Variants in UNC45B observed in about 807,000 individuals in gnomAD.
The protein encoded by UNC45B is protein unc-45 homolog B.
In UNC45B, 78 loss-of-function variants were observed where a neutral mutation model predicts 98.7. The ratio of observed to expected loss-of-function variants is 0.79; its 90% CI spans 0.66 to 0.95. The LOEUF is 0.95. Among genes scored for constraint, UNC45B ranks in the 40% least tolerant of loss-of-function variants. The pLI is 0.00. For synonymous variants in UNC45B, 462 were observed against 480.4 expected (o/e 0.96, Z 0.50); for missense variants, 1,225 against 1,184.9 (o/e 1.03, Z -0.50).
At chr17:35,176,960 T>G in intron 15 of UNC45B, 57 bp from the exon 16 acceptor site, 1 of 1,398,816 alleles carries the variant, frequency 7.1e-7, no homozygotes, top group Non-Finnish European at 1.0e-6. Context: ...AGCAGGAGGA[T>G]AGGCGAGAAG....
chr17:35,180,852 G>T (rs1214741287), intron 18 of UNC45B, among the ~76,000 whole-genome samples, 176 bp downstream of exon 18: 1 of 152,112 alleles, frequency 6.6e-6, no homozygotes, highest in East Asian at 1.9e-4. Flanking sequence ...CCCTGTAGGG[G>T]CCCTGAGAGA....
intron 2 of UNC45B, among the ~76,000 whole-genome samples, 166 bp from the exon 3 acceptor site, chr17:35,148,807 G>A (rs746848454): frequency 1.8e-4 from 27 of 152,148 alleles, no homozygotes; most frequent in Non-Finnish European, 7.3e-5. Context: ...TTTGCCTGAT[G>A]TCAAAGCCTG....
intron 11 of UNC45B, 70 bp from the exon 12 acceptor site, chr17:35,170,044 C>G: frequency 6.2e-7 from 1 of 1,601,812 alleles, no homozygotes; most frequent in South Asian, 1.1e-5. Context: ...GGTTCACCAC[C>G]CTGAAATCGC....
intron 19 of UNC45B, among the ~76,000 whole-genome samples, chr17:35,185,073 C>T (rs778083017): frequency 1.1e-4 from 16 of 152,138 alleles, no homozygotes; most frequent in Non-Finnish European, 1.6e-4. Context: ...AGCATAGAAC[C>T]GTGCCACAGC....
At chr17:35,169,538 G>A (rs566814680) in intron 10 of UNC45B, among the ~76,000 whole-genome samples, 7 of 152,250 alleles carry the variant, frequency 4.6e-5, no homozygotes, top group Middle Eastern at 3.4e-3. Context: ...GGTTAACTTG[G>A]TCTTGCTGGT....
At chr17:35,151,248 G>A (rs556373595) in intron 4 of UNC45B, 2 of 242,578 alleles carry the variant, frequency 8.2e-6, no homozygotes, top group South Asian at 8.0e-5. Context: ...CGTCTGATCT[G>A]AGGTCGCGGG....
At chr17:35,166,181 T>G (rs1301512636) in intron 9 of UNC45B, among the ~76,000 whole-genome samples, 1 of 148,446 alleles carries the variant, frequency 6.7e-6, no homozygotes, top group Non-Finnish European at 1.5e-5. Context: ...GGTAGGAGGA[T>G]CACTTGAGCC....
intron 9 of UNC45B, chr17:35,164,432 C>T (rs1203182248): frequency 2.2e-5 from 7 of 318,036 alleles, no homozygotes; most frequent in Middle Eastern, 8.9e-4. Flanking sequence ...ACAGCTGGCA[C>T]ACTGGTGCTG....
At chr17:35,180,200 A>G (rs4796047) in intron 17 of UNC45B, among the ~76,000 whole-genome samples, 70,521 of 150,970 alleles carry the variant, frequency 0.47, 16,472 homozygotes, top group East Asian at 0.56. Context: ...CTGCTCTCTC[A>G]TGGTTATAAG....
rs772385299 is a variant in UNC45B, at chr17:35,159,442, T to A, written c.876T>A (p.Ser292=). 1.7e-5 allele frequency: 28 copies of A among 1,614,046 alleles called. No individual in the cohort carries two copies. Among genetic ancestry groups the A allele is most frequent in the Non-Finnish European group, 2.3e-5 (27 of 1,180,016 alleles). ...ACATGCTAGTCAGCAAGAAGGTGTC[T>A]GGCCAGGGCAGGGATCAGGCGCTGA... The part of the protein sequence containing the change: ...LLDMLVSKKV[S]GQGRDQALNL... Residue 292 remains serine, a synonymous_variant, in exon 8 of 20, where the codon TCT becomes TCA. Transcript: ENST00000394570.
chr17:35,181,567 C>T (rs1162999898), intron 18 of UNC45B, among the ~76,000 whole-genome samples: 1 of 152,096 alleles, frequency 6.6e-6, no homozygotes, highest in Non-Finnish European at 1.5e-5. Context: ...GAGGTGGATG[C>T]GTCACTTGAA....
chr17:35,166,086 T>TAAAAAAAAAACAAAAAAAAAAAAAAA (rs2092137552), intron 9 of UNC45B, among the ~76,000 whole-genome samples: 1 of 58,116 alleles, frequency 1.7e-5, no homozygotes, highest in Non-Finnish European at 3.0e-5. Context: ...CCCTCATCTC[T>TAAAAAAAAAACAAAAAAAAAAAAAAA]AAAAAAAAAA....
At chr17:35,173,150 T>C (rs993140306) in intron 13 of UNC45B, among the ~76,000 whole-genome samples, 1 of 134,744 alleles carries the variant, frequency 7.4e-6, no homozygotes, top group Non-Finnish European at 1.6e-5. Context: ...TTTTTGAGAC[T>C]GAGTCTCCCT....
intron 15 of UNC45B, 86 bp downstream of exon 15, chr17:35,176,120 G>A (rs924599177): frequency 6.6e-6 from 9 of 1,361,396 alleles, no homozygotes; most frequent in East Asian, 2.3e-5. Flanking sequence ...GCCCCAACTC[G>A]ACCTCCTGGA....
intron 19 of UNC45B, among the ~76,000 whole-genome samples, chr17:35,184,775 T>G (rs1313006013): frequency 1.3e-5 from 2 of 152,184 alleles, no homozygotes; most frequent in African/African-American, 4.8e-5. Context: ...TCGGTCTTCC[T>G]TGCGGGGCTC....
intron 9 of UNC45B, among the ~76,000 whole-genome samples, chr17:35,165,349 A>T (rs2092131347): frequency 2.0e-5 from 3 of 152,042 alleles, no homozygotes; most frequent in Admixed American, 2.0e-4. Context: ...CATCAGTGTG[A>T]CTCCAGTGCA....
intron 17 of UNC45B, among the ~76,000 whole-genome samples, chr17:35,178,824 G>C (rs1567768370): frequency 6.6e-6 from 1 of 152,120 alleles, no homozygotes; most frequent in Non-Finnish European, 1.5e-5. Context: ...GTTTTTGTCA[G>C]GTTTGTCAAA....
chr17:35,163,950 T>C (rs2092120001), intron 8 of UNC45B, 45 bp from the exon 9 acceptor site: 1 of 1,550,670 alleles, frequency 6.4e-7, no homozygotes, highest in African/African-American at 1.4e-5. Flanking sequence ...TGTGTGAGGA[T>C]GGAGCCCAGC....
chr17:35,166,019 T>C (rs2092136571), intron 9 of UNC45B, among the ~76,000 whole-genome samples: 1 of 138,556 alleles, frequency 7.2e-6, no homozygotes, highest in Non-Finnish European at 1.5e-5. Flanking sequence ...GGGAGGCCGA[T>C]GTGGGAGAAT....
Sources: allele counts gnomAD v4.1 joint callset (sites outside exome capture counted in the v4.1 genomes callset), GRCh38; gene constraint gnomAD v4.1.1; transcripts MANE v1.5; gene names NCBI Gene and HGNC (gene_info 2026-07-23, HGNC 2026-07-21).